NT5C2: variants seen among roughly 807,000 people sequenced by gnomAD.
NT5C2 encodes the protein 5'-nucleotidase, cytosolic II.
A neutral mutation model predicts 76.1 loss-of-function variants in NT5C2; 58 were observed. The ratio of observed to expected loss-of-function variants is 0.76; its 90% CI spans 0.62 to 0.95. NT5C2 has a LOEUF of 0.95. NT5C2 is among the 40% of genes least tolerant of loss of function. The probability of loss-of-function intolerance (pLI) is 0.00; values close to 1 mark genes in which losing one functional copy is unlikely to be tolerated. For synonymous variants in NT5C2, 229 were observed against 237.4 expected, an observed-to-expected ratio of 0.96 and a Z score of 0.32; for missense variants, 478 against 690.3, an observed-to-expected ratio of 0.69 and a Z score of 3.45.
chr10:103,113,357 T>C (rs2073529936), intron 4 of NT5C2, among the ~76,000 whole-genome samples: 1 of 152,170 alleles, frequency 6.6e-6, no homozygotes, highest in Admixed American at 6.5e-5. Context: ...CATCTGAGAA[T>C]CTGAACACTT....
intron 13 of NT5C2, 127 bp downstream of exon 13, chr10:103,094,221 A>T (rs1047843394): frequency 1.3e-6 from 1 of 749,574 alleles, no homozygotes. Context: ...CAAAACTCTT[A>T]ATTTCAAAAG....
chr10:103,093,088 A>G, intron 15 of NT5C2, 51 bp downstream of exon 15: 2 of 1,436,910 alleles, frequency 1.4e-6, no homozygotes, highest in Non-Finnish European at 1.8e-6. Context: ...CGACTGATTC[A>G]AAGCTGGTCA....
intron 10 of NT5C2, chr10:103,098,237 A>G (rs76039638): frequency 0.015 from 5,040 of 344,572 alleles, 200 homozygotes; most frequent in African/African-American, 0.09. Context: ...AACATCTTAT[A>G]TAACCACAGT....
intron 4 of NT5C2, among the ~76,000 whole-genome samples, chr10:103,112,833 A>G (rs1405948496): frequency 6.6e-6 from 1 of 152,236 alleles, no homozygotes. Flanking sequence ...TGTAGGCTAC[A>G]TGATGTTGGT....
chr10:103,093,380 A>G (rs1445391813), intron 14 of NT5C2, 71 bp from the exon 15 acceptor site: 20 of 1,205,730 alleles, frequency 1.7e-5, no homozygotes, highest in Admixed American at 1.6e-4. Flanking sequence ...GTATTTAACC[A>G]TTAAATACTA....
chr10:103,180,932 A>T (rs2090948111), intron 2 of NT5C2, among the ~76,000 whole-genome samples: 1 of 152,188 alleles, frequency 6.6e-6, no homozygotes, highest in African/African-American at 2.4e-5. Context: ...AAAGAAGACA[A>T]AAAGAGTACA....
chr10:103,101,133 T>G, intron 7 of NT5C2, 31 bp from the exon 8 acceptor site: 1 of 1,524,610 alleles, frequency 6.6e-7, no homozygotes, highest in Non-Finnish European at 9.1e-7. Context: ...ATTCATAAGC[T>G]ATAATGAAAT....
At position 103,106,601 on chromosome 10, in the gene NT5C2, G is replaced by A; in HGVS notation, c.281C>T (p.Thr94Ile). 1.9e-6 allele frequency: 3 copies of A among 1,604,876 alleles called. No individual in the cohort carries two copies. Among genetic ancestry groups the A allele is most frequent in the Non-Finnish European group, 2.6e-6 (3 of 1,171,672 alleles). ...QELLSFAYDS[T>I]FPTRGLVFDT... The stretch of plus-strand genomic sequence containing the variant: ...CTTTAAAAATTACCTGGTAGGGAAT[G>A]TAGAATCATAAGCAAAGCTGAGCAA... The change falls in exon 5 of 19, where the codon ACA becomes ATA. Residue 94 changes from threonine to isoleucine, a missense_variant. Thr to Ile is a moderately conservative substitution (Grantham distance 89, BLOSUM62 -1). Transcript: ENST00000404739.
At chr10:103,115,535 A>G (rs1477000613) in intron 4 of NT5C2, among the ~76,000 whole-genome samples, 2 of 152,244 alleles carry the variant, frequency 1.3e-5, no homozygotes, top group Non-Finnish European at 2.9e-5. Flanking sequence ...GAATGCTTTT[A>G]TAATTGGCAA....
intron 3 of NT5C2, among the ~76,000 whole-genome samples, chr10:103,163,181 T>G (rs756093542): frequency 6.6e-6 from 1 of 152,256 alleles, no homozygotes; most frequent in African/African-American, 2.4e-5. Flanking sequence ...TGTTTATGTA[T>G]GTACCTGCTG....
chr10:103,153,182 T>C (rs2082696171), intron 3 of NT5C2: 2 of 670,798 alleles, frequency 3.0e-6, no homozygotes, highest in Non-Finnish European at 4.2e-6. Context: ...AATCTCTGCC[T>C]CTACCTCCAC....
intron 2 of NT5C2, among the ~76,000 whole-genome samples, chr10:103,180,574 T>C (rs78512523): frequency 6.6e-6 from 1 of 151,826 alleles, no homozygotes; most frequent in African/African-American, 2.4e-5. Context: ...TTTACGAAAA[T>C]TGAAAAATTA....
intron 4 of NT5C2, among the ~76,000 whole-genome samples, chr10:103,119,862 G>C (rs189825541): frequency 1.9e-3 from 284 of 152,290 alleles, no homozygotes; most frequent in African/African-American, 6.0e-3. Flanking sequence ...ACTCTGGAAG[G>C]CTGAGGCTGG....
At position 103,089,645 on chromosome 10, in the gene NT5C2, G is replaced by A; in HGVS notation, c.*27C>T. On this transcript the variant is annotated 3_prime_UTR_variant, in exon 19 of 19. Coordinates refer to ENST00000404739, the MANE Select transcript of NT5C2 (RefSeq NM_001351169.2). ...TGAGTCCTGCCAGGACTTGTTTAAT[G>A]GGTGCTTGGGGTTTTGGTTTTCCTC... The A allele has an allele frequency of 6.4e-7, 1 of 1,554,926 alleles. No individual in the cohort carries two copies. The highest frequency in any genetic ancestry group is 8.7e-7 in the Non-Finnish European group (1 of 1,150,750).
chr10:103,096,320 T>C (rs139737223), intron 11 of NT5C2, among the ~76,000 whole-genome samples: 39 of 152,350 alleles, frequency 2.6e-4, no homozygotes, highest in African/African-American at 8.9e-4. Flanking sequence ...TTGGCTTCGC[T>C]ACTGCCATCC....
At chr10:103,137,486 C>T (rs989307260) in intron 4 of NT5C2, among the ~76,000 whole-genome samples, 7 of 152,246 alleles carry the variant, frequency 4.6e-5, no homozygotes, top group Non-Finnish European at 8.8e-5. Context: ...CAAGTACTCC[C>T]GTAATTTCGT....
intron 3 of NT5C2, among the ~76,000 whole-genome samples, chr10:103,165,301 C>T (rs113839316): frequency 2.2e-3 from 342 of 152,250 alleles, no homozygotes; most frequent in African/African-American, 7.7e-3. Flanking sequence ...CAAGGCCAGA[C>T]TGACCAACAT....
intron 6 of NT5C2, among the ~76,000 whole-genome samples, chr10:103,103,800 T>G (rs1326230416): frequency 6.6e-6 from 1 of 152,174 alleles, no homozygotes; most frequent in Non-Finnish European, 1.5e-5. Flanking sequence ...CTTCGATAAC[T>G]TTCTTTCCCT....
At chr10:103,097,913 T>A (rs1439154036) in intron 10 of NT5C2, 1 of 447,592 alleles carries the variant, frequency 2.2e-6, no homozygotes, top group East Asian at 6.5e-5. Flanking sequence ...AAGAAAAATA[T>A]CTTTTCCTTC....
Sources: allele counts gnomAD v4.1 joint callset (sites outside exome capture counted in the v4.1 genomes callset), GRCh38; gene constraint gnomAD v4.1.1; transcripts MANE v1.5; gene names NCBI Gene and HGNC (gene_info 2026-07-23, HGNC 2026-07-21).